NCKAP5: variants seen among roughly 807,000 people sequenced by gnomAD.
The protein encoded by NCKAP5 is nck-associated protein 5.
NCKAP5 carries 92 observed loss-of-function variants against 167.0 expected under a neutral mutation model. The observed-to-expected ratio is 0.55, with a 90% CI of 0.47 to 0.66. The LOEUF (loss-of-function observed/expected upper bound fraction) is 0.66. NCKAP5 is among the 30% of genes least tolerant of loss of function. The pLI is 0.00. For synonymous variants in NCKAP5, 891 were observed against 877.4 expected (o/e 1.02, Z -0.27); for missense variants, 2,378 against 2,315.0 (o/e 1.03, Z -0.56).
At chr2:132,929,162 C>T (rs1394787929) in intron 8 of NCKAP5, among the ~76,000 whole-genome samples, 4 of 152,134 alleles carry the variant, frequency 2.6e-5, no homozygotes, top group African/African-American at 9.7e-5. Flanking sequence ...TCTCCCACAA[C>T]ACAGAATCTG....
intron 4 of NCKAP5, among the ~76,000 whole-genome samples, chr2:133,300,217 C>T (rs1426139579): frequency 8.0e-6 from 1 of 124,248 alleles, no homozygotes; most frequent in Non-Finnish European, 1.6e-5. Flanking sequence ...GAACTGGTAC[C>T]ATTCCTTCTG....
intron 8 of NCKAP5, among the ~76,000 whole-genome samples, chr2:132,884,508 C>G (rs1172710166): frequency 6.6e-6 from 1 of 152,200 alleles, no homozygotes; most frequent in East Asian, 1.9e-4. Flanking sequence ...TTTAGCAAGT[C>G]ACTTACCATT....
chr2:133,037,499 T>C (rs2079076575), intron 6 of NCKAP5, among the ~76,000 whole-genome samples: 1 of 152,058 alleles, frequency 6.6e-6, no homozygotes, highest in African/African-American at 2.4e-5. Flanking sequence ...TCCACACACC[T>C]ACAGTGAACT....
rs554738103 is a variant in NCKAP5 at position 133,029,111 on chromosome 2, G to A, written c.342-34872C>T. Among the ~76,000 whole-genome samples the A allele has an allele frequency of 7.8e-4, 118 of 152,172 alleles. 3 individuals are homozygous for A. In the South Asian group the frequency reaches 0.024, roughly 31 times the overall value. ...CCAAGTCTATAGTATTTCTTCATAGGAATGCAAGAATGGCCTAATACAGGT... is the reference window on the plus strand; with the variant it reads ...CCAAGTCTATAGTATTTCTTCATAGAAATGCAAGAATGGCCTAATACAGGT... On this transcript the variant is annotated intron_variant, in intron 6 of 19. Coordinates refer to ENST00000409261, the MANE Select transcript of NCKAP5 (RefSeq NM_207363.3).
At chr2:133,076,017 T>C (rs1249776282) in intron 6 of NCKAP5, among the ~76,000 whole-genome samples, 1 of 152,214 alleles carries the variant, frequency 6.6e-6, no homozygotes, top group East Asian at 1.9e-4. Flanking sequence ...AGATATACCA[T>C]GTAAATACTA....
intron 6 of NCKAP5, among the ~76,000 whole-genome samples, chr2:133,040,174 C>A (rs999086941): frequency 6.6e-6 from 1 of 151,996 alleles, no homozygotes; most frequent in Non-Finnish European, 1.5e-5. Flanking sequence ...TATTCCTCAA[C>A]CTTCAACTTC....
chr2:133,431,792 A>G (rs1204016473), intron 3 of NCKAP5: 1 of 152,184 alleles, frequency 6.6e-6, no homozygotes, highest in East Asian at 1.9e-4. Context: ...ATAAAGAAGT[A>G]AGGAAAAACA....
chr2:132,923,354 T>C (rs1695590218), intron 8 of NCKAP5, among the ~76,000 whole-genome samples: 1 of 152,218 alleles, frequency 6.6e-6, no homozygotes, highest in Admixed American at 6.5e-5. Context: ...AAGTGTGCTG[T>C]GTCTTCTATA....
chr2:133,665,920 T>G, the NCKAP5 span, among the ~76,000 whole-genome samples: 1 of 150,590 alleles, frequency 6.6e-6, no homozygotes, highest in African/African-American at 2.5e-5. Flanking sequence ...AAATGGTGAT[T>G]TGGTGAATGC....
intron 3 of NCKAP5, among the ~76,000 whole-genome samples, chr2:133,399,872 T>C (rs1687989470): frequency 6.6e-6 from 1 of 152,278 alleles, no homozygotes; most frequent in South Asian, 2.1e-4. Context: ...AGTTTACACA[T>C]AAAATCATGC....
At chr2:133,401,690 G>A (rs1422967386) in intron 3 of NCKAP5, among the ~76,000 whole-genome samples, 1 of 152,042 alleles carries the variant, frequency 6.6e-6, no homozygotes, top group Non-Finnish European at 1.5e-5. Context: ...AGTAGCACAG[G>A]TTCCTTAACT....
chr2:133,294,349 A>C (rs937503179), intron 4 of NCKAP5, among the ~76,000 whole-genome samples: 1 of 152,348 alleles, frequency 6.6e-6, no homozygotes, highest in African/African-American at 2.4e-5. Flanking sequence ...CTAATTCTTA[A>C]GATGCCTGGA....
intron 7 of NCKAP5, among the ~76,000 whole-genome samples, chr2:132,965,904 T>TTC (rs1553493891): frequency 3.5e-5 from 5 of 140,870 alleles, no homozygotes; most frequent in Admixed American, 2.8e-4. Context: ...ACATGACTCT[T>TTC]TGTGTGTGTG....
chr2:133,235,651 C>T (rs1362804870), intron 4 of NCKAP5, among the ~76,000 whole-genome samples: 1 of 152,046 alleles, frequency 6.6e-6, no homozygotes, highest in Non-Finnish European at 1.5e-5. Context: ...TGCCTGCAAT[C>T]CCAGCATGTT....
intron 6 of NCKAP5, among the ~76,000 whole-genome samples, chr2:133,049,218 T>G (rs777607513): frequency 3.9e-5 from 6 of 152,140 alleles, no homozygotes; most frequent in Admixed American, 6.5e-5. Context: ...TGTTTGTATG[T>G]TCTCAAGTCC....
intron 3 of NCKAP5, among the ~76,000 whole-genome samples, chr2:133,368,850 G>A (rs1238219746): frequency 6.6e-6 from 1 of 152,190 alleles, no homozygotes; most frequent in African/African-American, 2.4e-5. Context: ...TGCATGACAC[G>A]TATTGCAAAT....
At chr2:133,020,268 G>A (rs981249213) in intron 6 of NCKAP5, among the ~76,000 whole-genome samples, 1 of 152,152 alleles carries the variant, frequency 6.6e-6, no homozygotes, top group Non-Finnish European at 1.5e-5. Context: ...ATTTGGACTT[G>A]GACCCTACTG....
At chr2:133,088,766 T>G (rs1347590832) in intron 6 of NCKAP5, among the ~76,000 whole-genome samples, 1 of 152,202 alleles carries the variant, frequency 6.6e-6, no homozygotes, top group Non-Finnish European at 1.5e-5. Context: ...GGAAGTCATC[T>G]GTAATAAAAC....
In NCKAP5 at chr2:132,726,297, T is replaced by A. The variant is rs540838394; in HGVS notation, c.5581-538A>T. ...GAAAAGTAAGCAATTGCTGACTCCATGTAATCCTCAAATCTGCTGACAGTT... is the reference window on the plus strand; with the variant it reads ...GAAAAGTAAGCAATTGCTGACTCCAAGTAATCCTCAAATCTGCTGACAGTT... On this transcript the variant is annotated intron_variant, in intron 18 of 19. Transcript: ENST00000409261. 4.6e-5 allele frequency among the ~76,000 whole-genome samples: 7 copies of A among 152,358 alleles called. 1 individual carries two copies. In the East Asian group the frequency reaches 1.3e-3, roughly 29 times the overall value.
Sources: allele counts gnomAD v4.1 joint callset (sites outside exome capture counted in the v4.1 genomes callset), GRCh38; gene constraint gnomAD v4.1.1; transcripts MANE v1.5; gene names NCBI Gene and HGNC (gene_info 2026-07-23, HGNC 2026-07-21).